Variants in NDST4 observed in about 807,000 individuals in gnomAD.
NDST4 encodes N-deacetylase and N-sulfotransferase 4, also known as N-heparan sulfate sulfotransferase 4.
A neutral mutation model predicts 100.8 loss-of-function variants in NDST4; 63 were observed. The observed-to-expected ratio is 0.62, with a 90% CI of 0.51 to 0.77. The LOEUF (loss-of-function observed/expected upper bound fraction) is 0.77. NDST4 is among the 30% of genes least tolerant of loss of function. The pLI, the probability that NDST4 is intolerant of heterozygous loss-of-function variation, is 0.00. For synonymous variants in NDST4, 377 were observed against 361.8 expected (o/e 1.04, Z -0.48); for missense variants, 943 against 1,018.4 (o/e 0.93, Z 1.01).
intron 6 of NDST4, among the ~76,000 whole-genome samples, chr4:114,925,512 G>A (rs1485898656): frequency 6.6e-6 from 1 of 152,102 alleles, no homozygotes; most frequent in African/African-American, 2.4e-5. Flanking sequence ...TAGATTCCAT[G>A]AACTCAGAGA....
intron 7 of NDST4, among the ~76,000 whole-genome samples, chr4:114,862,570 T>C (rs1723940194): frequency 6.6e-6 from 1 of 152,178 alleles, no homozygotes. Flanking sequence ...AAGTCTTATT[T>C]GTGAGCTCGT....
intron 10 of NDST4, among the ~76,000 whole-genome samples, chr4:114,842,925 A>G (rs79619017): frequency 0.039 from 5,902 of 152,224 alleles, 366 homozygotes; most frequent in African/African-American, 0.13. Context: ...AATAAAAATC[A>G]GTTATTTTAT....
At position 114,849,583 on chromosome 4, in the gene NDST4, A is replaced by G. The variant is rs551481011; in HGVS notation, c.1817-1245T>C. Reference sequence around the variant, plus strand: ...TTTACATGGCCACCAAGAGGTAATGAGTAGCTAAAGGGAAGAACGTAACAA... The same window carrying G: ...TTTACATGGCCACCAAGAGGTAATGGGTAGCTAAAGGGAAGAACGTAACAA... On this transcript the variant is annotated intron_variant, in intron 8 of 13. Transcript: ENST00000264363. 3.3e-5 allele frequency among the ~76,000 whole-genome samples: 5 copies of G among 152,334 alleles called. No homozygotes were observed. The South Asian group carries it at 1.0e-3, about 32-fold the overall frequency.
At chr4:114,977,982 T>C (rs2126244529) in intron 2 of NDST4, among the ~76,000 whole-genome samples, 1 of 152,122 alleles carries the variant, frequency 6.6e-6, no homozygotes, top group African/African-American at 2.4e-5. Flanking sequence ...ACATTGCTAA[T>C]AATGACACAG....
At chr4:114,901,044 G>C (rs532324539) in intron 6 of NDST4, among the ~76,000 whole-genome samples, 4 of 151,430 alleles carry the variant, frequency 2.6e-5, no homozygotes, top group African/African-American at 9.7e-5. Flanking sequence ...AATTCTGTAC[G>C]GTGTGTTTTA....
intron 2 of NDST4, among the ~76,000 whole-genome samples, chr4:115,052,889 A>G (rs964095124): frequency 2.4e-4 from 36 of 152,180 alleles, no homozygotes; most frequent in African/African-American, 8.0e-4. Context: ...ATATTTACGA[A>G]AAAACAGTAG....
At chr4:114,941,478 C>T (rs1345381895) in intron 4 of NDST4, among the ~76,000 whole-genome samples, 1 of 152,150 alleles carries the variant, frequency 6.6e-6, no homozygotes, top group African/African-American at 2.4e-5. Context: ...ATTTCTCAAA[C>T]TCCTCTGCAG....
At chr4:114,846,640 G>A (rs1002625673) in intron 9 of NDST4, among the ~76,000 whole-genome samples, 7 of 152,130 alleles carry the variant, frequency 4.6e-5, no homozygotes, top group African/African-American at 1.4e-4. Context: ...GTTCCTCTGC[G>A]TGTGGATTAT....
At chr4:115,097,250 G>C (rs72667330) in intron 1 of NDST4, among the ~76,000 whole-genome samples, 4 of 151,974 alleles carry the variant, frequency 2.6e-5, no homozygotes, top group Non-Finnish European at 5.9e-5. Flanking sequence ...ACCAACTCCT[G>C]TTTGTATATC....
chr4:114,856,839 C>T lies in NDST4; in HGVS notation c.1720-4018G>A, dbSNP rs573726724. ...ATACAAAGTTTTAGGAGCCTGCCACCTTTTAAGCTTTCAGGGGTCTGGACA... is the reference window on the plus strand; with the variant it reads ...ATACAAAGTTTTAGGAGCCTGCCACTTTTTAAGCTTTCAGGGGTCTGGACA... On this transcript the variant is annotated intron_variant, in intron 7 of 13. Coordinates refer to ENST00000264363, the MANE Select transcript of NDST4 (RefSeq NM_022569.3). Among the ~76,000 whole-genome samples the T allele has an allele frequency of 2.0e-5, 3 of 152,332 alleles. No homozygotes were observed. The East Asian group carries it at 5.8e-4, about 29-fold the overall frequency.
chr4:114,904,699 G>T (rs191542827), intron 6 of NDST4, among the ~76,000 whole-genome samples: 3 of 150,466 alleles, frequency 2.0e-5, no homozygotes, highest in Non-Finnish European at 4.4e-5. Context: ...GTAATTTGTA[G>T]AGTTTTTTTT....
At position 114,953,151 on chromosome 4, in the gene NDST4, G is replaced by C. The variant is rs560064135; in HGVS notation, c.1222-15648C>G. On this transcript the variant is annotated intron_variant, in intron 4 of 13. Transcript: ENST00000264363. ...ATGGCAGCTTGTGAGTTCTTTGTGTGACTATGCACAAGTCACATAAACAAA... is the reference window on the plus strand; with the variant it reads ...ATGGCAGCTTGTGAGTTCTTTGTGTCACTATGCACAAGTCACATAAACAAA... Among the ~76,000 whole-genome samples, 3 of 151,224 alleles carry C rather than the reference G, an allele frequency of 2.0e-5. No homozygotes were observed. In the East Asian group the frequency reaches 5.9e-4, roughly 30 times the overall value.
chr4:115,015,157 A>G (rs898062408), intron 2 of NDST4, among the ~76,000 whole-genome samples: 25 of 152,136 alleles, frequency 1.6e-4, no homozygotes, highest in African/African-American at 5.8e-4. Flanking sequence ...CGTCACACCA[A>G]TTACACAGTT....
intron 2 of NDST4, among the ~76,000 whole-genome samples, chr4:115,049,897 A>G (rs1359346648): frequency 6.6e-6 from 1 of 152,164 alleles, no homozygotes; most frequent in Non-Finnish European, 1.5e-5. Flanking sequence ...GTTTTGCAGA[A>G]GGCCTTATAG....
At chr4:114,924,778 T>C (rs1177283612) in intron 6 of NDST4, among the ~76,000 whole-genome samples, 1 of 152,098 alleles carries the variant, frequency 6.6e-6, no homozygotes, top group Non-Finnish European at 1.5e-5. Flanking sequence ...CTTGAAAAAT[T>C]TGTAGGGTGG....
chr4:114,887,420 G>A (rs1192156127), intron 6 of NDST4, among the ~76,000 whole-genome samples: 4 of 152,140 alleles, frequency 2.6e-5, no homozygotes, highest in African/African-American at 9.7e-5. Context: ...GAAGAGTTCA[G>A]GGCTTAAGTG....
Position 114,998,029 on chromosome 4 carries a change from A to G in NDST4, c.979-20755T>C, listed in dbSNP as rs1388541736. ...AGTCATCTCTAGGTATCCTCCACTG[A>G]TGACAACTTCTAAGTAGTATGGCTA... On this transcript the variant is annotated intron_variant, in intron 2 of 13. Coordinates refer to ENST00000264363, the MANE Select transcript of NDST4 (RefSeq NM_022569.3). 6.6e-5 allele frequency among the ~76,000 whole-genome samples: 10 copies of G among 152,076 alleles called. No homozygotes were observed. In the East Asian group the frequency reaches 1.9e-3, roughly 29 times the overall value.
intron 1 of NDST4, among the ~76,000 whole-genome samples, chr4:115,100,823 T>G (rs1341497585): frequency 6.6e-6 from 1 of 150,660 alleles, no homozygotes; most frequent in Admixed American, 6.6e-5. Flanking sequence ...TTTTTTTCCC[T>G]CCTGCTCTGC....
At chr4:114,857,734 A>C (rs554518158) in intron 7 of NDST4, among the ~76,000 whole-genome samples, 37 of 152,312 alleles carry the variant, frequency 2.4e-4, no homozygotes, top group African/African-American at 8.2e-4. Flanking sequence ...TTGTGGATAG[A>C]CTTATAGCCA....
Sources: gnomAD v4.1 joint callset for allele counts (sites outside exome capture counted in the v4.1 genomes callset) on GRCh38, gnomAD v4.1.1 for gene constraint, MANE v1.5 for transcripts, NCBI Gene and HGNC (gene_info 2026-07-23, HGNC 2026-07-21) for gene names.